Variants in NLRP2 observed in about 807,000 individuals in gnomAD.
NLRP2 encodes the protein NACHT, LRR and PYD domains-containing protein 2.
In NLRP2, 107 loss-of-function variants were observed where a neutral mutation model predicts 97.2. The ratio of observed to expected loss-of-function variants is 1.10; its 90% CI spans 0.94 to 1.29. The LOEUF (loss-of-function observed/expected upper bound fraction) is 1.29, where lower values mean the gene tolerates loss of function less well. Among genes scored for constraint, NLRP2 ranks in the 50% most tolerant of loss-of-function variants. NLRP2 has a pLI of 0.00. For synonymous variants in NLRP2, 663 were observed against 551.5 expected, an observed-to-expected ratio of 1.20 and a Z score of -2.83; for missense variants, 1,495 against 1,330.3, an observed-to-expected ratio of 1.12 and a Z score of -1.93.
At chr19:54,967,090 C>G (rs2070495500) in intron 1 of NLRP2, among the ~76,000 whole-genome samples, 1 of 150,852 alleles carries the variant, frequency 6.6e-6, no homozygotes, top group Non-Finnish European at 1.5e-5. Context: ...TGGTCTCTAA[C>G]TCCTGGGCTC....
intron 12 of NLRP2, 115 bp downstream of exon 12, chr19:54,997,602 G>A (rs1166209975): frequency 1.3e-5 from 14 of 1,080,658 alleles, no homozygotes; most frequent in African/African-American, 3.1e-5. Flanking sequence ...ACAGGTTCCC[G>A]CCATCACACC....
chr19:54,986,969 C>T (rs1351580317), intron 8 of NLRP2, among the ~76,000 whole-genome samples: 3 of 152,164 alleles, frequency 2.0e-5, no homozygotes, highest in East Asian at 3.9e-4. Flanking sequence ...ACTGCAGCCT[C>T]CACCTCCCAG....
intron 10 of NLRP2, among the ~76,000 whole-genome samples, chr19:54,991,821 C>G (rs546865100): frequency 6.7e-6 from 1 of 148,924 alleles, no homozygotes; most frequent in Non-Finnish European, 1.5e-5. Context: ...CGAGATCGTG[C>G]CAGCCTGGGT....
chr19:54,982,519 C>A lies in NLRP2; in HGVS notation c.821C>A (p.Pro274Gln). The A allele has an allele frequency of 6.2e-7, 1 of 1,614,190 alleles. No individual in the cohort carries two copies. Among genetic ancestry groups the A allele is most frequent in the South Asian group, 1.1e-5 (1 of 91,078 alleles). ...TGGCCTGAATTGCAGGATGACATTC[C>A]ACACATCCTAGCCCAAGCACGGAAA... Reference protein sequence around the residue: ...RDWPELQDDIPHILAQARKIL... With the variant: ...RDWPELQDDIQHILAQARKIL... Residue 274 changes from proline (P) to glutamine (Q), a missense_variant, in exon 6 of 13, where the codon CCA (proline) becomes CAA (glutamine). Pro to Gln is a moderately conservative substitution (Grantham distance 76, BLOSUM62 -1). Coordinates refer to ENST00000448584, the MANE Select transcript of NLRP2 (RefSeq NM_017852.5).
chr19:54,977,690 G>A, intron 3 of NLRP2, 62 bp from the exon 4 acceptor site: 2 of 1,527,414 alleles, frequency 1.3e-6, no homozygotes, highest in South Asian at 2.2e-5. Context: ...TCCAACTTGA[G>A]CCATCTTGGA....
At chr19:54,984,933 T>C (rs1339869450) in intron 6 of NLRP2, 114 bp from the exon 7 acceptor site, 3 of 963,826 alleles carry the variant, frequency 3.1e-6, no homozygotes, top group East Asian at 2.4e-5. Context: ...AGTGATTACA[T>C]GGTCCAGCTT....
chr19:54,990,015 C>T lies in NLRP2; in HGVS notation c.2367-7C>T. 1 of 1,613,480 alleles carries T rather than the reference C, an allele frequency of 6.2e-7. No homozygotes were observed. Among genetic ancestry groups the T allele is most frequent in the Non-Finnish European group, 8.5e-7 (1 of 1,179,788 alleles). On this transcript the variant is annotated splice_polypyrimidine_tract_variant and splice_region_variant and intron_variant, in intron 8 of 12. Coordinates refer to ENST00000448584, the MANE Select transcript of NLRP2 (RefSeq NM_017852.5). Reference sequence around the variant, plus strand: ...AAAAAAATGACGTGGTCCTATTTCTCCCACAGGTTGGTGTCTTGTTCCGCT... The same window carrying T: ...AAAAAAATGACGTGGTCCTATTTCTTCCACAGGTTGGTGTCTTGTTCCGCT...
intron 2 of NLRP2, 60 bp from the exon 3 acceptor site, chr19:54,974,440 G>A (rs765099095): frequency 1.7e-6 from 2 of 1,179,080 alleles, no homozygotes; most frequent in Non-Finnish European, 2.6e-6. Context: ...CTTTTATGAA[G>A]GCAATAAAAT....
intron 7 of NLRP2, 112 bp downstream of exon 7, chr19:54,985,329 C>A: frequency 2.0e-6 from 2 of 1,016,058 alleles, no homozygotes; most frequent in Non-Finnish European, 3.1e-6. Context: ...GCTCGAGACA[C>A]AGGGAATTGA....
intron 2 of NLRP2, chr19:54,973,739 A>G (rs964400007): frequency 2.2e-6 from 1 of 464,738 alleles, no homozygotes; most frequent in Non-Finnish European, 4.2e-6. Context: ...GGAAACCCAG[A>G]GAGTTGTAAA....
chr19:54,982,970 C>G lies in NLRP2; in HGVS notation c.1272C>G (p.Thr424=), dbSNP rs756981035. The change falls in exon 6 of 13, where the codon ACC becomes ACG. Residue 424 remains threonine, a synonymous_variant. Coordinates refer to ENST00000448584, the MANE Select transcript of NLRP2 (RefSeq NM_017852.5). ...AGGACCCGGTCCCCACCTGCCTCAC[C>G]CGCACGGGGCTGTTCCTGCGTTTCC... The part of the protein sequence containing the change: ...KGEDPVPTCL[T]RTGLFLRFLC... The G allele has an allele frequency of 3.7e-6, 6 of 1,611,528 alleles. No individual in the cohort carries two copies. In the Admixed American group the frequency reaches 5.0e-5, roughly 13 times the overall value.
chr19:54,998,017 T>C (rs1224212151), intron 12 of NLRP2, among the ~76,000 whole-genome samples: 2 of 142,094 alleles, frequency 1.4e-5, no homozygotes, highest in African/African-American at 2.5e-5. Context: ...TTGTTTTGTT[T>C]TTTCTTTCTT....
Position 54,989,879 on chromosome 19 carries a change from T to G in NLRP2, c.2367-143T>G. On this transcript the variant is annotated intron_variant, in intron 8 of 12. Coordinates refer to ENST00000448584, the MANE Select transcript of NLRP2 (RefSeq NM_017852.5). ...CATGGTGCATGCCTGCAGTCCCAGC[T>G]ACTCGGGAGGCTGAGGCAGGAGAAT... The G allele has an allele frequency of 3.7e-6, 3 of 815,968 alleles. No individual in the cohort carries two copies. The Admixed American group carries it at 6.1e-5, about 17-fold the overall frequency. The allele number at this position is 815,968 out of a possible 1,614,324, so 50.5% of individuals were successfully genotyped here. A position where few individuals can be genotyped will look rare whatever the true frequency, so the allele number is the denominator to read the frequency against.
At chr19:54,994,133 C>T (rs2072661702) in intron 10 of NLRP2, 136 bp from the exon 11 acceptor site, 1 of 961,372 alleles carries the variant, frequency 1.0e-6, no homozygotes, top group Non-Finnish European at 1.7e-6. Context: ...CTGTCCACCA[C>T]ACCACCCCAT....
chr19:54,983,523 C>T lies in NLRP2; in HGVS notation c.1825C>T (p.Leu609=), dbSNP rs903007408. 1 of 1,614,194 alleles carries T rather than the reference C, an allele frequency of 6.2e-7. No homozygotes were observed. Among genetic ancestry groups the T allele is most frequent in the Middle Eastern group, 1.6e-4 (1 of 6,062 alleles). The change falls in exon 6 of 13, where the codon CTG becomes TTG. Residue 609 remains leucine (L), a synonymous_variant. Coordinates refer to ENST00000448584, the MANE Select transcript of NLRP2 (RefSeq NM_017852.5). The stretch of plus-strand genomic sequence containing the variant: ...AGACCTGCAGGAGCTCCTCGGCTGT[C>T]TGTACGAGTCTCAGGAGGAGGAGCT... ...VTDLQELLGC[L]YESQEEELVK... is the part of the protein sequence containing the mutation.
At chr19:54,980,677 A>G (rs566901856) in intron 4 of NLRP2, among the ~76,000 whole-genome samples, 1 of 152,332 alleles carries the variant, frequency 6.6e-6, no homozygotes, top group East Asian at 1.9e-4. Context: ...TAATGTCAAC[A>G]GGGGGTTTAA....
intron 6 of NLRP2, 65 bp from the exon 7 acceptor site, chr19:54,984,982 A>T: frequency 1.3e-6 from 2 of 1,526,920 alleles, no homozygotes; most frequent in Middle Eastern, 2.1e-4. Context: ...TGCCCAGAGA[A>T]ACCCTAAATA....
rs2072734345 is a variant in NLRP2, at chr19:54,995,140, A to G, written c.2879+701A>G. On this transcript the variant is annotated intron_variant, in intron 11 of 12. Coordinates refer to ENST00000448584, the MANE Select transcript of NLRP2 (RefSeq NM_017852.5). ...ACCAGCCTGGCCAACTTGAAACTCCATCTCTACTAAAATATAAAAATTAGC... is the reference window on the plus strand; with the variant it reads ...ACCAGCCTGGCCAACTTGAAACTCCGTCTCTACTAAAATATAAAAATTAGC... Among the ~76,000 whole-genome samples the G allele has an allele frequency of 7.5e-5, 4 of 53,416 alleles. No individual in the cohort carries two copies. In the South Asian group the frequency reaches 2.1e-3, roughly 28 times the overall value. The allele number at this position is 53,416 out of a possible 152,430, so 35.0% of individuals were successfully genotyped here.
In NLRP2 at chr19:54,983,076, G is replaced by C. The variant is rs1263508761; in HGVS notation, c.1378G>C (p.Ala460Pro). Residue 460 changes from alanine to proline, a missense_variant, in exon 6 of 13, where the codon GCG becomes CCG. Ala to Pro is a conservative substitution (Grantham distance 27). Coordinates refer to ENST00000448584, the MANE Select transcript of NLRP2 (RefSeq NM_017852.5). Reference sequence around the variant, plus strand: ...CCTCCTGGCCGCGCAGGGCCTGTGGGCGCAGACGTCCGTGCTTCACCGAGA... The same window carrying C: ...CCTCCTGGCCGCGCAGGGCCTGTGGCCGCAGACGTCCGTGCTTCACCGAGA... Reference protein sequence around the residue: ...LSLLAAQGLWAQTSVLHREDL... With the variant: ...LSLLAAQGLWPQTSVLHREDL... 6.2e-7 allele frequency: 1 copy of C among 1,612,762 alleles called. No individual in the cohort carries two copies. The highest frequency in any genetic ancestry group is 8.5e-7 in the Non-Finnish European group (1 of 1,179,810).
Sources: allele counts gnomAD v4.1 joint callset (sites outside exome capture counted in the v4.1 genomes callset), GRCh38; gene constraint gnomAD v4.1.1; transcripts MANE v1.5; gene names NCBI Gene and HGNC (gene_info 2026-07-23, HGNC 2026-07-21).